WWOX: variants seen among roughly 807,000 people sequenced by gnomAD.
WWOX encodes the protein WW domain containing oxidoreductase.
Under a neutral mutation model 46.2 loss-of-function variants are expected in WWOX, and 69 were observed. The ratio of observed to expected loss-of-function variants is 1.49; its 90% CI spans 1.23 to 1.82. WWOX has a LOEUF of 1.82. Among genes scored for constraint, WWOX ranks in the 40% most tolerant of loss-of-function variants. The pLI is 0.00. For missense variants in WWOX, 919 were observed against 542.6 expected, an observed-to-expected ratio of 1.69 and a Z score of -6.89; for synonymous variants, 359 against 202.6, an observed-to-expected ratio of 1.77 and a Z score of -6.56.
intron 8 of WWOX, among the ~76,000 whole-genome samples, chr16:78,781,824 T>G (rs1276486638): frequency 6.6e-6 from 1 of 152,208 alleles, no homozygotes; most frequent in Non-Finnish European, 1.5e-5. Context: ...TAAGTAGAAG[T>G]AATGATGACG....
At chr16:79,011,380 G>T (rs532580783) in intron 8 of WWOX, among the ~76,000 whole-genome samples, 1 of 151,758 alleles carries the variant, frequency 6.6e-6, no homozygotes, top group Non-Finnish European at 1.5e-5. Context: ...TGGAACTTCT[G>T]TTGGTGTTCG....
At chr16:79,137,507 G>C (rs1472098014) in intron 8 of WWOX, among the ~76,000 whole-genome samples, 1 of 152,104 alleles carries the variant, frequency 6.6e-6, no homozygotes, top group Non-Finnish European at 1.5e-5. Context: ...CTCTCACTTG[G>C]AGTGACATGT....
At chr16:78,554,199 G>A (rs2044236071) in intron 8 of WWOX, among the ~76,000 whole-genome samples, 1 of 152,138 alleles carries the variant, frequency 6.6e-6, no homozygotes, top group African/African-American at 2.4e-5. Context: ...CAGGGATGGG[G>A]AGGACTTGGT....
chr16:78,990,186 C>CAA lies in WWOX; in HGVS notation c.1057-221407_1057-221406dup, dbSNP rs751642031. Among the ~76,000 whole-genome samples the CAA allele has an allele frequency of 8.1e-4, 89 of 110,222 alleles. 1 individual carries two copies. Among genetic ancestry groups the CAA allele is most frequent in the Admixed American group, 2.2e-3 (25 of 11,130 alleles). The allele number at this position is 110,222 out of a possible 152,430, so 72.3% of individuals were successfully genotyped here. A position where few individuals can be genotyped will look rare whatever the true frequency, so the allele number is the denominator to read the frequency against. ...GTGACAGAGGGAGACCTTGTCTCAC[C>CAA]AAAAAAAAAAAAAAAAGAGAGAGAG... is the stretch of plus-strand genomic sequence containing the variant. On this transcript the variant is annotated intron_variant, in intron 8 of 8. Coordinates refer to ENST00000566780, the MANE Select transcript of WWOX (RefSeq NM_016373.4).
chr16:78,632,310 C>G (rs1476460947), intron 8 of WWOX, among the ~76,000 whole-genome samples: 2 of 152,140 alleles, frequency 1.3e-5, no homozygotes, highest in East Asian at 3.9e-4. Context: ...TTCACTAAAA[C>G]ACGTAGAATA....
chr16:79,091,836 A>C (rs1196515918), intron 8 of WWOX, among the ~76,000 whole-genome samples: 1 of 131,926 alleles, frequency 7.6e-6, no homozygotes, highest in African/African-American at 3.0e-5. Context: ...GCTGGAGAGC[A>C]GTGGTATTAT....
intron 8 of WWOX, among the ~76,000 whole-genome samples, chr16:78,717,293 A>C (rs1597485452): frequency 6.6e-6 from 1 of 152,246 alleles, no homozygotes; most frequent in East Asian, 1.9e-4. Context: ...TTAAGAGCCT[A>C]CTGGGAGAGA....
At chr16:78,687,460 C>T (rs1197244703) in intron 8 of WWOX, among the ~76,000 whole-genome samples, 2 of 152,148 alleles carry the variant, frequency 1.3e-5, no homozygotes, top group Non-Finnish European at 2.9e-5. Flanking sequence ...AGTGAACAAT[C>T]ATTTGGAGAC....
chr16:79,195,080 G>T (rs972311966), intron 8 of WWOX, among the ~76,000 whole-genome samples: 1 of 152,148 alleles, frequency 6.6e-6, no homozygotes, highest in Non-Finnish European at 1.5e-5. Context: ...GATGGCTAAA[G>T]TGTGAGCATA....
At chr16:78,943,469 A>G (rs762368174) in intron 8 of WWOX, among the ~76,000 whole-genome samples, 7 of 151,760 alleles carry the variant, frequency 4.6e-5, no homozygotes, top group African/African-American at 7.3e-5. Context: ...ACCCAGGCAC[A>G]TAAACTTGCA....
intron 5 of WWOX, among the ~76,000 whole-genome samples, chr16:78,170,971 G>T (rs1365112356): frequency 2.0e-5 from 3 of 152,212 alleles, no homozygotes; most frequent in African/African-American, 7.2e-5. Flanking sequence ...TTTCAATAGA[G>T]TTGATATCGG....
chr16:78,432,674 G>C lies in WWOX; in HGVS notation c.978G>C (p.Met326Ile), dbSNP rs748074874. Residue 326 changes from methionine (M) to isoleucine (I), a missense_variant, in exon 8 of 9, where the codon ATG becomes ATC. Coordinates refer to ENST00000566780, the MANE Select transcript of WWOX (RefSeq NM_016373.4). Reference sequence around the variant, plus strand: ...CGAACGCAGTGCATCCTGGAAATATGATGTACTCCAACATTCATCGCAGCT... The same window carrying C: ...CGAACGCAGTGCATCCTGGAAATATCATGTACTCCAACATTCATCGCAGCT... ...VTSNAVHPGN[M>I]MYSNIHRSWW... is the part of the protein sequence containing the mutation. 4.3e-6 allele frequency: 7 copies of C among 1,614,208 alleles called. No homozygotes were observed. The Admixed American group carries it at 1.0e-4, about 23-fold the overall frequency.
At chr16:78,157,613 ATAAG>A (rs1432557946) in intron 4 of WWOX, among the ~76,000 whole-genome samples, 2 of 152,218 alleles carry the variant, frequency 1.3e-5, no homozygotes, top group African/African-American at 4.8e-5. Context: ...TCTTTAGGTA[ATAAG>A]TAAGTATTTT....
intron 8 of WWOX, among the ~76,000 whole-genome samples, chr16:79,183,875 C>G (rs1247830691): frequency 6.6e-6 from 1 of 152,156 alleles, no homozygotes; most frequent in Admixed American, 6.5e-5. Flanking sequence ...TCACTCAGTC[C>G]TTTTCTCACT....
At chr16:79,096,036 T>G (rs933030252) in intron 8 of WWOX, among the ~76,000 whole-genome samples, 4 of 146,976 alleles carry the variant, frequency 2.7e-5, no homozygotes, top group Admixed American at 2.7e-4. Flanking sequence ...TTTTTTTTTT[T>G]TTGGTATTTT....
At chr16:78,160,871 A>G (rs1183827943) in intron 4 of WWOX, among the ~76,000 whole-genome samples, 2 of 152,280 alleles carry the variant, frequency 1.3e-5, no homozygotes, top group Middle Eastern at 3.4e-3. Context: ...ACTAAGAGGG[A>G]TATGTTAAAA....
At chr16:78,948,388 T>G (rs959826732) in intron 8 of WWOX, among the ~76,000 whole-genome samples, 1 of 152,206 alleles carries the variant, frequency 6.6e-6, no homozygotes, top group Non-Finnish European at 1.5e-5. Context: ...CTAACAGATC[T>G]CAGAACTTGT....
chr16:78,763,853 C>G (rs1458038644), intron 8 of WWOX, among the ~76,000 whole-genome samples: 1 of 152,176 alleles, frequency 6.6e-6, no homozygotes, highest in Admixed American at 6.5e-5. Context: ...TTTCTAATTG[C>G]CCTGCAGAGT....
chr16:78,902,318 G>T (rs188507803), intron 8 of WWOX, among the ~76,000 whole-genome samples: 2,324 of 152,290 alleles, frequency 0.015, 28 homozygotes, highest in Non-Finnish European at 0.024. Flanking sequence ...GATATTACAG[G>T]AATGAAAAGT....
Sources: gnomAD v4.1 joint callset for allele counts (sites outside exome capture counted in the v4.1 genomes callset) on GRCh38, gnomAD v4.1.1 for gene constraint, MANE v1.5 for transcripts, NCBI Gene and HGNC (gene_info 2026-07-23, HGNC 2026-07-21) for gene names.